LRPPRC: variants seen among roughly 807,000 people sequenced by gnomAD.
LRPPRC encodes the protein leucine-rich PPR motif-containing protein, mitochondrial.
A neutral mutation model predicts 180.3 loss-of-function variants in LRPPRC; 120 were observed. That is an observed-to-expected ratio of 0.67 (90% CI 0.57 to 0.77). The LOEUF is 0.77. Ranked by LOEUF, LRPPRC falls within the 30% of genes least tolerant of loss-of-function variation. The pLI is 0.00. For missense variants in LRPPRC, 2,012 were observed against 1,657.2 expected, an observed-to-expected ratio of 1.21 and a Z score of -3.72; for synonymous variants, 723 against 600.0, an observed-to-expected ratio of 1.21 and a Z score of -3.00.
In LRPPRC at chr2:43,905,560, A is replaced by G; in HGVS notation, c.3364+132T>C. 6.7e-6 allele frequency: 5 copies of G among 748,420 alleles called. No homozygotes were observed. In the South Asian group the frequency reaches 7.1e-5, roughly 11 times the overall value. 46.4% of individuals were successfully genotyped at this position (748,420 alleles called of 1,614,324 possible). A position where few individuals can be genotyped will look rare whatever the true frequency, so the allele number is the denominator to read the frequency against. Reference sequence around the variant, plus strand: ...GCATGTACAGTAATTTATGTCTCTCAGCTACCACAAAAGGCTCTTGATAAG... The same window carrying G: ...GCATGTACAGTAATTTATGTCTCTCGGCTACCACAAAAGGCTCTTGATAAG... On this transcript the variant is annotated intron_variant, in intron 31 of 37. Coordinates refer to ENST00000260665, the MANE Select transcript of LRPPRC (RefSeq NM_133259.4).
In LRPPRC at chr2:43,895,285, C is replaced by T. The variant is rs72798846; in HGVS notation, c.3901-656G>A. 3.1e-3 allele frequency among the ~76,000 whole-genome samples: 466 copies of T among 152,322 alleles called. No individual in the cohort carries two copies. The Middle Eastern group carries it at 0.031, about 10-fold the overall frequency. ...AGCAAAATCTGGCTTAACTATTCTA[C>T]TGTCAAGCAATGGAACACTGTTAAC... On this transcript the variant is annotated intron_variant, in intron 35 of 37. Coordinates refer to ENST00000260665, the MANE Select transcript of LRPPRC (RefSeq NM_133259.4).
chr2:43,935,722 GT>G (rs566544443), intron 23 of LRPPRC, among the ~76,000 whole-genome samples: 4 of 152,038 alleles, frequency 2.6e-5, no homozygotes, highest in Admixed American at 1.3e-4. Flanking sequence ...TTTATTAAAA[GT>G]TTTTTTGTAA....
chr2:43,968,329 C>T (rs1019309487), intron 11 of LRPPRC, among the ~76,000 whole-genome samples: 6 of 152,132 alleles, frequency 3.9e-5, no homozygotes, highest in Non-Finnish European at 8.8e-5. Flanking sequence ...CAATATGTGT[C>T]GAAGCACTTA....
chr2:43,992,108 A>G (rs996465931), intron 1 of LRPPRC, among the ~76,000 whole-genome samples: 3 of 152,192 alleles, frequency 2.0e-5, no homozygotes, highest in Non-Finnish European at 4.4e-5. Context: ...TGGGTGCTTT[A>G]GTGATACACG....
chr2:43,948,364 T>C (rs2103617788), intron 17 of LRPPRC, 48 bp downstream of exon 17: 2 of 1,153,870 alleles, frequency 1.7e-6, no homozygotes, highest in African/African-American at 1.5e-5. Flanking sequence ...ATCTAATAGA[T>C]ACATGTCAGG....
At chr2:43,927,857 T>G (rs1671945378) in intron 25 of LRPPRC, among the ~76,000 whole-genome samples, 1 of 152,220 alleles carries the variant, frequency 6.6e-6, no homozygotes, top group Non-Finnish European at 1.5e-5. Flanking sequence ...AAAGAACATC[T>G]AGGTCAGATT....
Position 43,974,146 on chromosome 2 carries a change from A to G in LRPPRC, c.1155+4T>C. On this transcript the variant is annotated splice_donor_region_variant and intron_variant, in intron 9 of 37. Transcript: ENST00000260665. ...TGTCTACAAAGTAAAAGTGGACAGAATACCGTATTCATAGTCACACAGTGT... is the reference window on the plus strand; with the variant it reads ...TGTCTACAAAGTAAAAGTGGACAGAGTACCGTATTCATAGTCACACAGTGT... The G allele has an allele frequency of 6.2e-7, 1 of 1,613,324 alleles. No individual in the cohort carries two copies. The highest frequency in any genetic ancestry group is 8.5e-7 in the Non-Finnish European group (1 of 1,179,218).
chr2:43,947,740 G>T lies in LRPPRC; in HGVS notation c.1956C>A (p.Asp652Glu), dbSNP rs1451480374. The T allele has an allele frequency of 1.9e-6, 3 of 1,578,602 alleles. No individual in the cohort carries two copies. The highest frequency in any genetic ancestry group is 2.6e-6 in the Non-Finnish European group (3 of 1,148,178). Residue 652 changes from aspartate to glutamate, a missense_variant, in exon 19 of 38, where the codon GAC becomes GAA. By Grantham distance (45) the Asp-to-Glu change is conservative (BLOSUM62 2). Coordinates refer to ENST00000260665, the MANE Select transcript of LRPPRC (RefSeq NM_133259.4). Reference protein sequence around the residue: ...AHLLVESKNLDFQKTVQLTSS... With the variant: ...AHLLVESKNLEFQKTVQLTSS... Reference sequence around the variant, plus strand: ...TCAAAATCCTACTTACTTTTTGAAAGTCTAAATTCTTACTCTCAACCAACA... The same window carrying T: ...TCAAAATCCTACTTACTTTTTGAAATTCTAAATTCTTACTCTCAACCAACA...
At chr2:43,929,949 AAAAC>A (rs34536805) in intron 25 of LRPPRC, among the ~76,000 whole-genome samples, 81,942 of 150,142 alleles carry the variant, frequency 0.55, 23,482 homozygotes, top group East Asian at 0.92. Flanking sequence ...GGACAAAACA[AAAAC>A]AAACAAACAA....
At chr2:43,974,811 T>C in intron 7 of LRPPRC, 53 bp from the exon 8 acceptor site, 1 of 1,540,062 alleles carries the variant, frequency 6.5e-7, no homozygotes, top group Non-Finnish European at 9.0e-7. Flanking sequence ...TTTATTTAAG[T>C]ATTAAAGCTA....
chr2:43,919,488 T>G (rs1671619914), intron 27 of LRPPRC, among the ~76,000 whole-genome samples: 1 of 152,224 alleles, frequency 6.6e-6, no homozygotes, highest in South Asian at 2.1e-4. Context: ...ACATGGAATC[T>G]TCTTAGATTT....
intron 1 of LRPPRC, among the ~76,000 whole-genome samples, chr2:43,991,058 C>G (rs1674756591): frequency 1.4e-5 from 2 of 145,600 alleles, no homozygotes; most frequent in African/African-American, 5.0e-5. Context: ...GAGATGGGGT[C>G]TCACTCTGTC....
chr2:43,958,826 A>G (rs1673225171), intron 13 of LRPPRC, among the ~76,000 whole-genome samples: 1 of 152,236 alleles, frequency 6.6e-6, no homozygotes, highest in Admixed American at 6.5e-5. Context: ...TCATAGAACG[A>G]ACCGCTCTTC....
chr2:43,901,556 T>G, intron 31 of LRPPRC, 32 bp from the exon 32 acceptor site: 3 of 1,397,734 alleles, frequency 2.1e-6, no homozygotes, highest in Non-Finnish European at 3.1e-6. Flanking sequence ...TGGCTTTTCT[T>G]ATATGACCTG....
At chr2:43,976,927 T>G (rs894458213) in intron 5 of LRPPRC, 67 bp downstream of exon 5, 64 of 1,292,606 alleles carry the variant, frequency 5.0e-5, no homozygotes, top group Non-Finnish European at 7.2e-5. Flanking sequence ...AAACAAAGAG[T>G]GAACAGACAT....
chr2:43,948,402 G>A lies in LRPPRC; in HGVS notation c.1842+10C>T, dbSNP rs373649496. Reference sequence around the variant, plus strand: ...GGACAGGCATTATATAGCAAAAAACGAAATGGTACCATCTTCTCCAGCTGA... The same window carrying A: ...GGACAGGCATTATATAGCAAAAAACAAAATGGTACCATCTTCTCCAGCTGA... On this transcript the variant is annotated intron_variant, in intron 17 of 37. Coordinates refer to ENST00000260665, the MANE Select transcript of LRPPRC (RefSeq NM_133259.4). 968 of 1,581,122 alleles carry A rather than the reference G, an allele frequency of 6.1e-4. No homozygotes were observed. The highest frequency in any genetic ancestry group is 7.0e-4 in the Non-Finnish European group (810 of 1,150,286).
Position 43,916,034 on chromosome 2 carries a change from G to T in LRPPRC, c.3148+1991C>A, listed in dbSNP as rs537156977. ...CCCACCTTGGCCTCCCAAGTTGTTGGGATTATAGGCATGAGCCTGCAAGCC... is the reference window on the plus strand; with the variant it reads ...CCCACCTTGGCCTCCCAAGTTGTTGTGATTATAGGCATGAGCCTGCAAGCC... On this transcript the variant is annotated intron_variant, in intron 29 of 37. Coordinates refer to ENST00000260665, the MANE Select transcript of LRPPRC (RefSeq NM_133259.4). 6.6e-5 allele frequency among the ~76,000 whole-genome samples: 10 copies of T among 152,126 alleles called. 1 individual carries two copies. The East Asian group carries it at 1.9e-3, about 29-fold the overall frequency.
At chr2:43,963,306 T>C (rs907233349) in intron 12 of LRPPRC, among the ~76,000 whole-genome samples, 3 of 152,082 alleles carry the variant, frequency 2.0e-5, no homozygotes, top group Middle Eastern at 3.4e-3. Context: ...TAGCTAGCCA[T>C]GGTGGCGCAT....
Position 43,934,797 on chromosome 2 carries a change from C to A in LRPPRC, c.2586G>T (p.Leu862Phe). ...YKVLPRIHDVLCKLVEKGETD... is the reference protein window; with the variant it reads ...YKVLPRIHDVFCKLVEKGETD... ...TCTCGCCTTTCTCTACCAGTTTACA[C>A]AAGACATCATGAATCCTTGGTAATA... is the stretch of plus-strand genomic sequence containing the variant. The change falls in exon 24 of 38, where the codon TTG becomes TTT. Residue 862 changes from leucine (L) to phenylalanine (F), a missense_variant. Leu to Phe is a conservative substitution (Grantham distance 22). Transcript: ENST00000260665. The A allele has an allele frequency of 1.2e-6, 2 of 1,611,610 alleles. No individual in the cohort carries two copies. The highest frequency in any genetic ancestry group is 1.7e-6 in the Non-Finnish European group (2 of 1,177,780).
Sources: allele counts gnomAD v4.1 joint callset (sites outside exome capture counted in the v4.1 genomes callset), GRCh38; gene constraint gnomAD v4.1.1; transcripts MANE v1.5; gene names NCBI Gene and HGNC (gene_info 2026-07-23, HGNC 2026-07-21).